GUCD1: variants seen among roughly 807,000 people sequenced by gnomAD.
GUCD1 encodes the protein guanylyl cyclase domain containing 1.
A neutral mutation model predicts 28.3 loss-of-function variants in GUCD1; 17 were observed. That is an observed-to-expected ratio of 0.60 (90% CI 0.41 to 0.90). GUCD1 has a LOEUF of 0.90. Among genes scored for constraint, GUCD1 ranks in the 40% least tolerant of loss-of-function variants. The pLI, the probability that GUCD1 is intolerant of heterozygous loss-of-function variation, is 0.00. For missense variants in GUCD1, 279 were observed against 305.5 expected, an observed-to-expected ratio of 0.91 and a Z score of 0.65; for synonymous variants, 129 against 123.3, an observed-to-expected ratio of 1.05 and a Z score of -0.30.
At chr22:24,548,597 C>T (rs933954831) in intron 2 of GUCD1, among the ~76,000 whole-genome samples, 1 of 152,178 alleles carries the variant, frequency 6.6e-6, no homozygotes, top group Non-Finnish European at 1.5e-5. Flanking sequence ...GTCAGCACCC[C>T]ATTCTCCCAG....
upstream of GUCD1, chr22:24,555,425 C>A (rs2147110870): frequency 8.5e-7 from 1 of 1,173,172 alleles, no homozygotes; most frequent in East Asian, 2.6e-5. Context: ...TTCGGCAAGC[C>A]CCGCCTCTGC....
intron 4 of GUCD1, among the ~76,000 whole-genome samples, chr22:24,546,086 C>T (rs1049499762): frequency 1.3e-5 from 2 of 151,992 alleles, no homozygotes; most frequent in South Asian, 4.1e-4. Flanking sequence ...CTCAGCCTCC[C>T]GAGTAGCTGG....
chr22:24,543,735 G>A, intron 5 of GUCD1, 107 bp downstream of exon 5: 5 of 1,391,388 alleles, frequency 3.6e-6, no homozygotes, highest in Non-Finnish European at 5.0e-6. Context: ...AAGGTAGGGA[G>A]GGAGGCCCTG....
rs1056160301 is a variant in GUCD1 at position 24,541,206 on chromosome 22, G to A, written c.*1800C>T. On this transcript the variant is annotated 3_prime_UTR_variant, in exon 6 of 6. Transcript: ENST00000435822. ...TAGGGTTGAGAAGCAATTTGGCTGGGTGGTCTCACTGCCCTCCTAAACAGA... is the reference window on the plus strand; with the variant it reads ...TAGGGTTGAGAAGCAATTTGGCTGGATGGTCTCACTGCCCTCCTAAACAGA... 6.2e-5 allele frequency: 10 copies of A among 160,838 alleles called. No individual in the cohort carries two copies. Among genetic ancestry groups the A allele is most frequent in the African/African-American group, 1.9e-4 (8 of 41,458 alleles). The allele number at this position is 160,838 out of a possible 1,614,324, so 10.0% of individuals were successfully genotyped here.
At chr22:24,548,522 G>A (rs1438356806) in intron 2 of GUCD1, among the ~76,000 whole-genome samples, 1 of 152,208 alleles carries the variant, frequency 6.6e-6, no homozygotes, top group Non-Finnish European at 1.5e-5. Context: ...CAAGGTGACG[G>A]CTACAGTCCC....
upstream of GUCD1, chr22:24,555,652 G>T: frequency 6.4e-7 from 1 of 1,550,676 alleles, no homozygotes; most frequent in Non-Finnish European, 8.7e-7. Context: ...ATTGTGACGG[G>T]AAGTCCTGGC....
chr22:24,543,864 G>A lies in GUCD1; in HGVS notation c.606C>T (p.Tyr202=). The A allele has an allele frequency of 6.2e-7, 1 of 1,614,050 alleles. No homozygotes were observed. The change falls in exon 5 of 6, where the codon TAC becomes TAT. Residue 202 remains tyrosine, a synonymous_variant. Transcript: ENST00000435822. ...CACGGTCGGCATAGGCTGGGTTGTT[G>A]TAGAAGATGCAGCCAGTGGCCCGGT... The part of the protein sequence containing the change: ...GYNRATGCIF[Y]NNPAYADRMC...
chr22:24,547,815 C>T, intron 3 of GUCD1, 93 bp downstream of exon 3: 11 of 1,358,736 alleles, frequency 8.1e-6, no homozygotes, highest in South Asian at 2.5e-5. Flanking sequence ...GGGTGTCTAG[C>T]CCTTGACTGT....
At chr22:24,549,886 T>C (rs974542712) in intron 1 of GUCD1, among the ~76,000 whole-genome samples, 5 of 152,248 alleles carry the variant, frequency 3.3e-5, no homozygotes, top group African/African-American at 9.6e-5. Flanking sequence ...CAGCAGATAA[T>C]GTATCTGAGT....
At position 24,549,014 on chromosome 22, in the gene GUCD1, A is replaced by AGAGG; in HGVS notation, c.44-17_44-14dup. On this transcript the variant is annotated splice_polypyrimidine_tract_variant and intron_variant, in intron 1 of 5. Coordinates refer to ENST00000435822, the MANE Select transcript of GUCD1 (RefSeq NM_001284254.2). The stretch of plus-strand genomic sequence containing the variant: ...TGCACAAAGTCCCCTGTGCAGAAAC[A>AGAGG]GAGGGAGGTCACAGACCCTCAGCGC... 3 of 1,557,960 alleles carry AGAGG rather than the reference A, an allele frequency of 1.9e-6. No individual in the cohort carries two copies. The highest frequency in any genetic ancestry group is 2.6e-6 in the Non-Finnish European group (3 of 1,148,260).
Position 24,555,121 on chromosome 22 carries a change from G to A in GUCD1, c.-130C>T, listed in dbSNP as rs1030122771. On this transcript the variant is annotated 5_prime_UTR_variant, in exon 1 of 6. Transcript: ENST00000435822. ...GCCACCGCCGCCGCTGCGGAGGAGA[G>A]AACGGGAGGCGGCGGCTGGGCCGCC... 15 of 1,307,762 alleles carry A rather than the reference G, an allele frequency of 1.1e-5. No individual in the cohort carries two copies. Among genetic ancestry groups the A allele is most frequent in the East Asian group, 6.3e-5 (2 of 31,828 alleles). The allele number at this position is 1,307,762 out of a possible 1,614,324, so 81.0% of individuals were successfully genotyped here. A position where few individuals can be genotyped will look rare whatever the true frequency, so the allele number is the denominator to read the frequency against.
At chr22:24,543,747 C>A in intron 5 of GUCD1, 95 bp downstream of exon 5, 1 of 1,490,232 alleles carries the variant, frequency 6.7e-7, no homozygotes, top group East Asian at 2.3e-5. Context: ...GAGGCCCTGG[C>A]CACACTAGAT....
In GUCD1 at chr22:24,542,968, A is replaced by T; in HGVS notation, c.*38T>A. 1 of 1,473,862 alleles carries T rather than the reference A, an allele frequency of 6.8e-7. No individual in the cohort carries two copies. The highest frequency in any genetic ancestry group is 2.3e-5 in the East Asian group (1 of 44,082). 91.3% of individuals were successfully genotyped at this position (1,473,862 alleles called of 1,614,324 possible). On this transcript the variant is annotated 3_prime_UTR_variant, in exon 6 of 6. Coordinates refer to ENST00000435822, the MANE Select transcript of GUCD1 (RefSeq NM_001284254.2). ...CTGAGCGGGCCCGGCTGGGGTGGGG[A>T]TGGGGTCCGAGGGCCTAGGCGCACC...
chr22:24,543,112 G>A lies in GUCD1; in HGVS notation c.629-15C>T. 1.2e-6 allele frequency: 2 copies of A among 1,606,992 alleles called. No homozygotes were observed. The highest frequency in any genetic ancestry group is 1.1e-5 in the South Asian group (1 of 90,940). On this transcript the variant is annotated splice_polypyrimidine_tract_variant and intron_variant, in intron 5 of 5. Coordinates refer to ENST00000435822, the MANE Select transcript of GUCD1 (RefSeq NM_001284254.2). The stretch of plus-strand genomic sequence containing the variant: ...GCTGCACATTCCTGCTGGGGGTGGG[G>A]AAGGCAGAACGGGGTCAGTGGGTTG...
At position 24,546,926 on chromosome 22, in the gene GUCD1, A is replaced by G; in HGVS notation, c.374T>C (p.Leu125Pro). The G allele has an allele frequency of 6.2e-7, 1 of 1,613,900 alleles. No homozygotes were observed. Among genetic ancestry groups the G allele is most frequent in the South Asian group, 1.1e-5 (1 of 91,070 alleles). Residue 125 changes from leucine (L) to proline (P), a missense_variant, in exon 4 of 6, where the codon CTG becomes CCG. Transcript: ENST00000435822. ...LFAQAKACKV[L>P]VEKCTVSVKD... ...TTGGGGGGCTCACCATTTCTCCACC[A>G]GCACCTTGCAGGCCTTTGCTTGTGC...
rs766014189 is a variant in GUCD1 at position 24,544,095 on chromosome 22, A to C, written c.387-12T>G. The C allele has an allele frequency of 6.2e-7, 1 of 1,600,398 alleles. No individual in the cohort carries two copies. The highest frequency in any genetic ancestry group is 8.6e-7 in the Non-Finnish European group (1 of 1,169,366). ...TCACACTCACTGTGCTGTGGGCGGG[A>C]GGGGGGTCAGCTGGTGCTGCTGGGC... On this transcript the variant is annotated splice_polypyrimidine_tract_variant and intron_variant, in intron 4 of 5. Transcript: ENST00000435822.
intron 1 of GUCD1, among the ~76,000 whole-genome samples, chr22:24,549,787 T>C (rs181919154): frequency 7.9e-5 from 12 of 152,336 alleles, no homozygotes; most frequent in Admixed American, 7.2e-4. Flanking sequence ...CCCAAAGTGC[T>C]GGGATTACAG....
rs536066310 is a variant in GUCD1, at chr22:24,551,840, T to TA, written c.44-2840dup. The stretch of plus-strand genomic sequence containing the variant: ...CCTCTCCAAAATTTATGTTGAAACT[T>TA]AATCTCCATTGTGGTGGTATGAAGA... On this transcript the variant is annotated intron_variant, in intron 1 of 5. Transcript: ENST00000435822. Among the ~76,000 whole-genome samples, 138 of 152,354 alleles carry TA rather than the reference T, an allele frequency of 9.1e-4. 1 individual carries two copies. The highest frequency in any genetic ancestry group is 2.3e-3 in the African/African-American group (94 of 41,572).
chr22:24,553,700 T>C (rs1407553526), intron 1 of GUCD1, among the ~76,000 whole-genome samples: 8 of 152,182 alleles, frequency 5.3e-5, no homozygotes, highest in Non-Finnish European at 8.8e-5. Context: ...TGTCCAGCTA[T>C]AAAATGTGGC....
Sources: gnomAD v4.1 joint callset for allele counts (sites outside exome capture counted in the v4.1 genomes callset) on GRCh38, gnomAD v4.1.1 for gene constraint, MANE v1.5 for transcripts, NCBI Gene and HGNC (gene_info 2026-07-23, HGNC 2026-07-21) for gene names.